The following TSGA10 variants were observed in gnomAD, a reference collection of about 807,000 sequenced individuals.
The protein encoded by TSGA10 is testis-specific gene 10 protein.
A neutral mutation model predicts 96.6 loss-of-function variants in TSGA10; 43 were observed. The ratio of observed to expected loss-of-function variants is 0.44; its 90% CI spans 0.35 to 0.57. TSGA10 has a LOEUF of 0.57. Ranked by LOEUF, TSGA10 falls within the 20% of genes least tolerant of loss-of-function variation. The pLI is 0.01. For missense variants in TSGA10, 703 were observed against 834.4 expected, an observed-to-expected ratio of 0.84 and a Z score of 1.94; for synonymous variants, 229 against 269.9, an observed-to-expected ratio of 0.85 and a Z score of 1.48.
chr2:99,019,875 G>A (rs1558744130), intron 18 of TSGA10, among the ~76,000 whole-genome samples: 1 of 152,150 alleles, frequency 6.6e-6, no homozygotes, highest in Non-Finnish European at 1.5e-5. Flanking sequence ...GTGAATGCAG[G>A]TGTTCTTCTA....
chr2:98,999,075 TAGTAG>T (rs977982048), intron 20 of TSGA10, among the ~76,000 whole-genome samples: 3 of 152,100 alleles, frequency 2.0e-5, no homozygotes, highest in Non-Finnish European at 4.4e-5. Flanking sequence ...TTTGTATTTT[TAGTAG>T]AGATGGGGTT....
intron 11 of TSGA10, among the ~76,000 whole-genome samples, chr2:99,079,237 T>C (rs2087126381): frequency 6.6e-6 from 1 of 152,210 alleles, no homozygotes; most frequent in Non-Finnish European, 1.5e-5. Context: ...CAAATCTTAA[T>C]AAAATATTCA....
intron 16 of TSGA10, among the ~76,000 whole-genome samples, chr2:99,043,738 G>A (rs1427781410): frequency 2.0e-5 from 3 of 152,048 alleles, no homozygotes; most frequent in African/African-American, 7.2e-5. Flanking sequence ...TATTCAAAGA[G>A]CTCAAAAAAC....
chr2:99,139,047 C>G (rs895016958), intron 1 of TSGA10, among the ~76,000 whole-genome samples: 7 of 152,126 alleles, frequency 4.6e-5, no homozygotes, highest in African/African-American at 1.7e-4. Context: ...ATCACTTGAG[C>G]CCAGGAATTT....
chr2:99,047,321 C>G (rs1357281145), intron 16 of TSGA10, among the ~76,000 whole-genome samples: 1 of 152,084 alleles, frequency 6.6e-6, no homozygotes, highest in Non-Finnish European at 1.5e-5. Flanking sequence ...TGCAAAAATC[C>G]TCAATAAAAT....
In TSGA10 at chr2:99,154,798, C is replaced by T; in HGVS notation, c.-726G>A. On this transcript the variant is annotated 5_prime_UTR_variant, in exon 1 of 21. Transcript: ENST00000393483. ...CTTTTATTCGAACGTAGCCTGCGTC[C>T]CTGCCTGGAACCTGGTTCCCGCCCT... 3.1e-6 allele frequency: 1 copy of T among 327,462 alleles called. No individual in the cohort carries two copies. The highest frequency in any genetic ancestry group is 6.0e-6 in the Non-Finnish European group (1 of 165,650). 20.3% of individuals were successfully genotyped at this position (327,462 alleles called of 1,614,324 possible). A position where few individuals can be genotyped will look rare whatever the true frequency, so the allele number is the denominator to read the frequency against.
intron 20 of TSGA10, among the ~76,000 whole-genome samples, chr2:99,002,799 A>G (rs2078056452): frequency 6.6e-6 from 1 of 152,192 alleles, no homozygotes; most frequent in East Asian, 1.9e-4. Context: ...AGGTCTAACA[A>G]GCAAATGGAA....
rs2077593356 is a variant in TSGA10 at position 98,998,056 on chromosome 2, C to T, written c.*141G>A. On this transcript the variant is annotated 3_prime_UTR_variant, in exon 21 of 21. Transcript: ENST00000393483. ...ATCACTGCAACATGGCACATTAGAA[C>T]AGAGATTCAGAGACACAAAGTTAAT... 1 of 762,934 alleles carries T rather than the reference C, an allele frequency of 1.3e-6. No individual in the cohort carries two copies. The highest frequency in any genetic ancestry group is 2.1e-6 in the Non-Finnish European group (1 of 474,006). The allele number at this position is 762,934 out of a possible 1,614,324, so 47.3% of individuals were successfully genotyped here.
intron 1 of TSGA10, among the ~76,000 whole-genome samples, chr2:99,144,268 G>A (rs1385271695): frequency 2.6e-5 from 4 of 151,882 alleles, no homozygotes; most frequent in African/African-American, 9.7e-5. Flanking sequence ...TGACCTGCCC[G>A]CCTCGGCCTC....
intron 1 of TSGA10, among the ~76,000 whole-genome samples, chr2:99,133,948 G>T (rs1193459592): frequency 3.9e-5 from 6 of 152,208 alleles, no homozygotes; most frequent in Admixed American, 3.3e-4. Context: ...TCTGCAGAGA[G>T]ACCCAATGTT....
chr2:99,032,772 C>T (rs1260298280), intron 17 of TSGA10, among the ~76,000 whole-genome samples: 6 of 152,130 alleles, frequency 3.9e-5, no homozygotes, highest in African/African-American at 1.4e-4. Flanking sequence ...GCACATGTTC[C>T]TCTTTTGGCT....
chr2:99,104,721 C>T (rs558991509), intron 9 of TSGA10, among the ~76,000 whole-genome samples: 4 of 152,234 alleles, frequency 2.6e-5, no homozygotes, highest in Admixed American at 6.5e-5. Flanking sequence ...GTGATCCACC[C>T]GCCTTGGCCT....
chr2:99,126,460 C>T (rs1477475445), intron 2 of TSGA10: 1 of 152,244 alleles, frequency 6.6e-6, no homozygotes, highest in East Asian at 1.9e-4. Context: ...AATGTTCCTT[C>T]TCCTCTCCAC....
intron 1 of TSGA10, among the ~76,000 whole-genome samples, chr2:99,132,985 T>C (rs2093164878): frequency 6.6e-6 from 1 of 152,184 alleles, no homozygotes; most frequent in Admixed American, 6.5e-5. Context: ...TCTTTTGCAT[T>C]TGCTGGGGAG....
At chr2:99,020,549 G>T in intron 17 of TSGA10, 67 bp from the exon 18 acceptor site, 1 of 1,228,652 alleles carries the variant, frequency 8.1e-7, no homozygotes, top group South Asian at 1.4e-5. Context: ...TATTATCAGG[G>T]ACTCACAAAA....
At chr2:99,048,353 T>C (rs753388615) in intron 16 of TSGA10, among the ~76,000 whole-genome samples, 1 of 152,144 alleles carries the variant, frequency 6.6e-6, no homozygotes, top group African/African-American at 2.4e-5. Context: ...CAAAACAGCA[T>C]GGTACTGGTA....
At chr2:99,078,880 T>A in intron 11 of TSGA10, 67 bp from the exon 12 acceptor site, 1 of 1,376,432 alleles carries the variant, frequency 7.3e-7, no homozygotes, top group Middle Eastern at 1.8e-4. Context: ...TCAAGCAGAT[T>A]ATCGTACTTT....
chr2:99,134,057 G>A (rs2093223419), intron 1 of TSGA10, among the ~76,000 whole-genome samples: 1 of 152,136 alleles, frequency 6.6e-6, no homozygotes. Context: ...TGACGATTAT[G>A]TGTCTTGGGG....
At chr2:99,121,037 G>A (rs1035850922) in intron 2 of TSGA10, among the ~76,000 whole-genome samples, 1 of 152,092 alleles carries the variant, frequency 6.6e-6, no homozygotes, top group African/African-American at 2.4e-5. Flanking sequence ...ATATTCCATG[G>A]TATGGAATAC....
Sources: allele counts gnomAD v4.1 joint callset (sites outside exome capture counted in the v4.1 genomes callset), GRCh38; gene constraint gnomAD v4.1.1; transcripts MANE v1.5; gene names NCBI Gene and HGNC (gene_info 2026-07-23, HGNC 2026-07-21).